Variants in TMEM65 observed in about 807,000 individuals in gnomAD.
TMEM65 encodes the protein transmembrane protein 65.
A neutral mutation model predicts 25.4 loss-of-function variants in TMEM65; 22 were observed. That is an observed-to-expected ratio of 0.86 (90% CI 0.62 to 1.23). TMEM65 has a LOEUF of 1.23. TMEM65 is among the 50% of genes most tolerant of loss of function. The pLI is 0.00. For synonymous variants in TMEM65, 132 were observed against 126.2 expected (o/e 1.05, Z -0.31); for missense variants, 262 against 308.2 (o/e 0.85, Z 1.12).
chr8:124,333,849 T>C lies in TMEM65; in HGVS notation c.305-3057A>G, dbSNP rs181530004. 7.0e-4 allele frequency among the ~76,000 whole-genome samples: 106 copies of C among 152,268 alleles called. 1 individual carries two copies. The highest frequency in any genetic ancestry group is 9.0e-4 in the Non-Finnish European group (61 of 68,016). On this transcript the variant is annotated intron_variant, in intron 1 of 6. Coordinates refer to ENST00000297632, the MANE Select transcript of TMEM65 (RefSeq NM_194291.3). ...ACATGCAGAGCAACTAAAGCTCTGA[T>C]GAAAATTCCTCAGTCTCTGTCTGAA...
rs562213458 is a variant in TMEM65 at position 124,313,140 on chromosome 8, C to T, written c.*820G>A. ...TAATTTCCAAGCATCATGTTAAATC[C>T]CTTAGTTCAATCTAATTCCACAATC... is the stretch of plus-strand genomic sequence containing the variant. On this transcript the variant is annotated 3_prime_UTR_variant, in exon 7 of 7. Transcript: ENST00000297632. The T allele has an allele frequency of 9.9e-5, 15 of 151,722 alleles. No individual in the cohort carries two copies. The highest frequency in any genetic ancestry group is 1.9e-4 in the Non-Finnish European group (13 of 67,778). The allele number at this position is 151,722 out of a possible 1,614,324, so 9.4% of individuals were successfully genotyped here.
At position 124,353,725 on chromosome 8, in the gene TMEM65, A is replaced by G. The variant is rs1429687753; in HGVS notation, c.304+18129T>C. Among the ~76,000 whole-genome samples, 3 of 152,314 alleles carry G rather than the reference A, an allele frequency of 2.0e-5. No individual in the cohort carries two copies. In the East Asian group the frequency reaches 5.8e-4, roughly 29 times the overall value. ...TTCAAAGAGTAATGAAGACACGTCAAAAAGACACAGAAACCAGCTTGAAGG... is the reference window on the plus strand; with the variant it reads ...TTCAAAGAGTAATGAAGACACGTCAGAAAGACACAGAAACCAGCTTGAAGG... On this transcript the variant is annotated intron_variant, in intron 1 of 6. Coordinates refer to ENST00000297632, the MANE Select transcript of TMEM65 (RefSeq NM_194291.3).
chr8:124,347,887 TTTC>T lies in TMEM65; in HGVS notation c.305-17098_305-17096del, dbSNP rs1814656969. On this transcript the variant is annotated intron_variant, in intron 1 of 6. Transcript: ENST00000297632. Reference sequence around the variant, plus strand: ...AGTAAATACTAGAGGTACAATAATTTTTCTTTTTTTTTTTTTTTTTGAGGCGGA... The same window carrying T: ...AGTAAATACTAGAGGTACAATAATTTTTTTTTTTTTTTTTTTTGAGGCGGA... Among the ~76,000 whole-genome samples the T allele has an allele frequency of 1.4e-4, 15 of 105,082 alleles. No homozygotes were observed. The South Asian group carries it at 5.2e-3, about 36-fold the overall frequency. The allele number at this position is 105,082 out of a possible 152,430, so 68.9% of individuals were successfully genotyped here. A position where few individuals can be genotyped will look rare whatever the true frequency, so the allele number is the denominator to read the frequency against.
At chr8:124,339,214 A>T (rs1156594424) in intron 1 of TMEM65, among the ~76,000 whole-genome samples, 36 of 43,638 alleles carry the variant, frequency 8.2e-4, no homozygotes, top group African/African-American at 3.3e-3. Flanking sequence ...AAAAAAAAAA[A>T]AAAAAAAAAT....
intron 1 of TMEM65, among the ~76,000 whole-genome samples, chr8:124,345,254 T>C (rs1024426179): frequency 4.6e-5 from 7 of 152,212 alleles, no homozygotes; most frequent in Non-Finnish European, 1.0e-4. Flanking sequence ...TGTTTCTGTA[T>C]AGCACTTCTA....
intron 4 of TMEM65, among the ~76,000 whole-genome samples, chr8:124,322,675 T>C (rs190047274): frequency 1.3e-5 from 2 of 151,984 alleles, no homozygotes; most frequent in Non-Finnish European, 2.9e-5. Flanking sequence ...AAAAAAAAAT[T>C]CTACCCAACT....
chr8:124,364,613 A>ATCAAAAGC (rs1449135212), intron 1 of TMEM65, among the ~76,000 whole-genome samples: 2 of 152,236 alleles, frequency 1.3e-5, no homozygotes, highest in Non-Finnish European at 2.9e-5. Flanking sequence ...CAATATGTTC[A>ATCAAAAGC]AATATTTTAT....
In TMEM65 at chr8:124,307,444, A is replaced by C. The variant is rs1309612060; in HGVS notation, c.*6516T>G. 1 of 146,128 alleles carries C rather than the reference A, an allele frequency of 6.8e-6. No individual in the cohort carries two copies. The highest frequency in any genetic ancestry group is 1.5e-5 in the Non-Finnish European group (1 of 65,976). The allele number at this position is 146,128 out of a possible 1,614,324, so 9.1% of individuals were successfully genotyped here. ...CAAGATAAATGAATCCAGCATAAGG[A>C]CCACTGTTAAAAAAAATTAAGAAAA... On this transcript the variant is annotated 3_prime_UTR_variant, in exon 7 of 7. Coordinates refer to ENST00000297632, the MANE Select transcript of TMEM65 (RefSeq NM_194291.3).
chr8:124,335,653 T>A (rs1814497102), intron 1 of TMEM65, among the ~76,000 whole-genome samples: 1 of 152,116 alleles, frequency 6.6e-6, no homozygotes. Flanking sequence ...GGTCCAATAT[T>A]AGCTATAAGA....
At position 124,316,272 on chromosome 8, in the gene TMEM65, GA is replaced by G. The variant is rs575238053; in HGVS notation, c.622-2212del. On this transcript the variant is annotated intron_variant, in intron 6 of 6. Transcript: ENST00000297632. ...GTTAACTACACTGGGGCTAATTGTAGAACTTGAGTCCCATCTGTAATACTGT... is the reference window on the plus strand; with the variant it reads ...GTTAACTACACTGGGGCTAATTGTAGACTTGAGTCCCATCTGTAATACTGT... 3.0e-3 allele frequency among the ~76,000 whole-genome samples: 461 copies of G among 152,286 alleles called. 2 individuals are homozygous for G. Among genetic ancestry groups the G allele is most frequent in the African/African-American group, 0.011 (440 of 41,560 alleles).
chr8:124,346,468 A>G (rs1241599091), intron 1 of TMEM65, among the ~76,000 whole-genome samples: 1 of 152,186 alleles, frequency 6.6e-6, no homozygotes, highest in African/African-American at 2.4e-5. Flanking sequence ...AATGACTCTT[A>G]ACGTGATATT....
intron 2 of TMEM65, among the ~76,000 whole-genome samples, chr8:124,329,700 G>A (rs1480405838): frequency 6.6e-6 from 1 of 151,874 alleles, no homozygotes; most frequent in East Asian, 1.9e-4. Flanking sequence ...AACATGTACA[G>A]AGCACTCCAC....
chr8:124,357,450 TA>T (rs1814797019), intron 1 of TMEM65, among the ~76,000 whole-genome samples: 1 of 152,188 alleles, frequency 6.6e-6, no homozygotes, highest in Non-Finnish European at 1.5e-5. Flanking sequence ...TTCCAAAATC[TA>T]AAGGAAAACT....
At chr8:124,321,484 G>C (rs1814302643) in intron 5 of TMEM65, among the ~76,000 whole-genome samples, 3 of 152,086 alleles carry the variant, frequency 2.0e-5, no homozygotes, top group Non-Finnish European at 4.4e-5. Flanking sequence ...TAAAGAGAGA[G>C]AGAAAGCTGG....
At chr8:124,335,688 G>A (rs774489236) in intron 1 of TMEM65, among the ~76,000 whole-genome samples, 1 of 152,044 alleles carries the variant, frequency 6.6e-6, no homozygotes, top group African/African-American at 2.4e-5. Flanking sequence ...AAGAATACAT[G>A]CTGTAATCCC....
At chr8:124,320,854 G>C (rs1814295793) in intron 5 of TMEM65, among the ~76,000 whole-genome samples, 1 of 152,052 alleles carries the variant, frequency 6.6e-6, no homozygotes, top group Admixed American at 6.6e-5. Context: ...CTAAAATGTG[G>C]TATTTGTTAT....
intron 1 of TMEM65, among the ~76,000 whole-genome samples, chr8:124,348,431 T>C (rs1323884317): frequency 6.6e-6 from 1 of 152,168 alleles, no homozygotes; most frequent in Non-Finnish European, 1.5e-5. Context: ...AAATAATTAC[T>C]ATATACAATG....
intron 2 of TMEM65, 125 bp downstream of exon 2, chr8:124,330,623 C>G (rs1158866549): frequency 7.1e-6 from 6 of 850,532 alleles, no homozygotes; most frequent in Admixed American, 3.3e-5. Flanking sequence ...ATATAATGAA[C>G]AGGATAATCC....
chr8:124,323,301 C>T lies in TMEM65; in HGVS notation c.472+20G>A. The stretch of plus-strand genomic sequence containing the variant: ...TTATAAGTGTACAATGAAATAATAA[C>T]ATTTACTACTGTTAAATACCTGCCA... On this transcript the variant is annotated intron_variant, in intron 4 of 6. Coordinates refer to ENST00000297632, the MANE Select transcript of TMEM65 (RefSeq NM_194291.3). 7.5e-7 allele frequency: 1 copy of T among 1,335,070 alleles called. No homozygotes were observed. Among genetic ancestry groups the T allele is most frequent in the Non-Finnish European group, 1.0e-6 (1 of 955,068 alleles). 82.7% of individuals were successfully genotyped at this position (1,335,070 alleles called of 1,614,324 possible). A position where few individuals can be genotyped will look rare whatever the true frequency, so the allele number is the denominator to read the frequency against.
Sources: gnomAD v4.1 joint callset for allele counts (sites outside exome capture counted in the v4.1 genomes callset) on GRCh38, gnomAD v4.1.1 for gene constraint, MANE v1.5 for transcripts, NCBI Gene and HGNC (gene_info 2026-07-23, HGNC 2026-07-21) for gene names.